Variants in MTA1 observed in about 807,000 individuals in gnomAD.
The protein encoded by MTA1 is metastasis associated 1.
MTA1 carries 15 observed loss-of-function variants against 97.0 expected under a neutral mutation model. That is an observed-to-expected ratio of 0.15 (90% CI 0.10 to 0.24). The LOEUF (loss-of-function observed/expected upper bound fraction) is 0.24. Among genes scored for constraint, MTA1 ranks in the 10% least tolerant of loss-of-function variants. MTA1 has a pLI of 1.00. For missense variants in MTA1, 709 were observed against 1,015.1 expected, an observed-to-expected ratio of 0.70 and a Z score of 4.10; for synonymous variants, 435 against 417.5, an observed-to-expected ratio of 1.04 and a Z score of -0.51.
chr14:105,447,822 C>A (rs150622743), intron 3 of MTA1, among the ~76,000 whole-genome samples: 3 of 152,302 alleles, frequency 2.0e-5, no homozygotes, highest in African/African-American at 7.2e-5. Context: ...AGGGCCCACA[C>A]CCCCCGGGGT....
chr14:105,429,017 C>T (rs994581143), intron 1 of MTA1, among the ~76,000 whole-genome samples: 2 of 152,200 alleles, frequency 1.3e-5, no homozygotes, highest in East Asian at 1.9e-4. Context: ...AGCCATTGTG[C>T]CCAGCCTCAC....
In MTA1 at chr14:105,420,065, TA is replaced by T; in HGVS notation, c.28+4del. The T allele has an allele frequency of 9.3e-7, 1 of 1,078,112 alleles. No individual in the cohort carries two copies. Among genetic ancestry groups the T allele is most frequent in the Non-Finnish European group, 1.1e-6 (1 of 882,830 alleles). 66.8% of individuals were successfully genotyped at this position (1,078,112 alleles called of 1,614,324 possible). On this transcript the variant is annotated splice_donor_region_variant and intron_variant, in intron 1 of 20. Coordinates refer to ENST00000331320, the MANE Select transcript of MTA1 (RefSeq NM_004689.4). The surrounding 1 kb of genome is among the most constrained non-coding windows in gnomAD (Gnocchi z 5.3). ...CCGCCAACATGTACAGGGTCGGAGG[TA>T]AGGCCGCACCGCCTTTATGCCCGGC...
Position 105,466,427 on chromosome 14 carries a change from G to T in MTA1, c.1626G>T (p.Glu542Asp). The T allele has an allele frequency of 6.3e-7, 1 of 1,592,106 alleles. No individual in the cohort carries two copies. Among genetic ancestry groups the T allele is most frequent in the African/African-American group, 1.3e-5 (1 of 74,386 alleles). ...KPLEAVLRYL[E>D]THPRPPKPDP... The stretch of plus-strand genomic sequence containing the variant: ...TTCTGCCTGTGTCATTCCCGGCAGA[G>T]ACCCACCCCCGCCCCCCCAAGCCTG... The change falls in exon 17 of 21, where the codon GAG becomes GAT. Residue 542 changes from glutamate to aspartate, a missense_variant and splice_region_variant. Around this residue, in one of 2 missense-constraint regions of MTA1, gnomAD observed 388 missense variants for 421.6 expected, o/e 0.92. Transcript: ENST00000331320.
rs376990599 is a variant in MTA1, at chr14:105,426,508, G to T, written c.28+6445G>T. Reference sequence around the variant, plus strand: ...AGGACAGCAAGGGCGCAGCGCACGTGGGGGCTGGCCCTGAGGTGTGGCGTT... The same window carrying T: ...AGGACAGCAAGGGCGCAGCGCACGTTGGGGCTGGCCCTGAGGTGTGGCGTT... On this transcript the variant is annotated intron_variant, in intron 1 of 20. Transcript: ENST00000331320. Among the ~76,000 whole-genome samples the T allele has an allele frequency of 2.5e-3, 381 of 152,326 alleles. 4 individuals are homozygous for T. Among genetic ancestry groups the T allele is most frequent in the African/African-American group, 8.8e-3 (366 of 41,582 alleles).
chr14:105,461,065 C>A, intron 10 of MTA1, 112 bp downstream of exon 10: 1 of 1,119,990 alleles, frequency 8.9e-7, no homozygotes, highest in Non-Finnish European at 1.3e-6. Flanking sequence ...TGTCCTGCAC[C>A]CTGATTCCCT....
intron 1 of MTA1, among the ~76,000 whole-genome samples, chr14:105,431,868 C>T (rs2082187164): frequency 3.9e-5 from 6 of 152,080 alleles, no homozygotes; most frequent in South Asian, 2.1e-4. Flanking sequence ...TCAGGTGATC[C>T]GCCCACCTCA....
Position 105,450,084 on chromosome 14 carries a change from C to T in MTA1, c.268C>T (p.Pro90Ser). The change falls in exon 5 of 21, where the codon CCG (proline) becomes TCG (serine). Residue 90 changes from proline (P) to serine (S), a missense_variant. Transcript: ENST00000331320. Reference sequence around the variant, plus strand: ...GGAAATAGAAGAGGAAATGGAGAACCCGGAAATGGTGGACCTGCCCGAGAA... The same window carrying T: ...GGAAATAGAAGAGGAAATGGAGAACTCGGAAATGGTGGACCTGCCCGAGAA... ...EGEIEEEMENPEMVDLPEKLK... is the reference protein window; with the variant it reads ...EGEIEEEMENSEMVDLPEKLK... 6.2e-7 allele frequency: 1 copy of T among 1,613,490 alleles called. No individual in the cohort carries two copies. The highest frequency in any genetic ancestry group is 1.7e-4 in the Middle Eastern group (1 of 6,058).
chr14:105,468,273 G>T (rs587620125), intron 18 of MTA1: 2 of 1,294,934 alleles, frequency 1.5e-6, no homozygotes, highest in African/African-American at 3.0e-5. Context: ...GCCTGCAGAT[G>T]GCTGCGTGTG....
chr14:105,469,351 C>G, intron 18 of MTA1, 116 bp from the exon 19 acceptor site: 1 of 1,190,990 alleles, frequency 8.4e-7, no homozygotes, highest in Non-Finnish European at 1.2e-6. Context: ...TGGGCTGTGG[C>G]TTGGTTGGCA....
intron 15 of MTA1, 113 bp from the exon 16 acceptor site, chr14:105,464,978 GTCC>G (rs34003962): frequency 0.2 from 290,101 of 1,420,042 alleles, 32,592 homozygotes; most frequent in Non-Finnish European, 0.23. Context: ...GGAGCCCCAC[GTCC>G]TCCTCGGTGC....
In MTA1 at chr14:105,424,831, C is replaced by T. The variant is rs2081962492; in HGVS notation, c.28+4768C>T. ...CTGAGTGGAGAATTTGATCGTTAAG[C>T]TCTCAGAATAATAAAAAAGTAGCTG... On this transcript the variant is annotated intron_variant, in intron 1 of 20. Coordinates refer to ENST00000331320, the MANE Select transcript of MTA1 (RefSeq NM_004689.4). The surrounding 1 kb of genome is among the most constrained non-coding windows in gnomAD (Gnocchi z 4.0). Among the ~76,000 whole-genome samples, 1 of 152,210 alleles carries T rather than the reference C, an allele frequency of 6.6e-6. No individual in the cohort carries two copies. The highest frequency in any genetic ancestry group is 6.5e-5 in the Admixed American group (1 of 15,284).
intron 1 of MTA1, among the ~76,000 whole-genome samples, chr14:105,434,281 G>C (rs79536059): frequency 2.0e-5 from 3 of 152,084 alleles, no homozygotes; most frequent in African/African-American, 7.2e-5. Context: ...CACCTTATCT[G>C]TTACCATTTA....
Position 105,462,395 on chromosome 14 carries a change from G to A in MTA1, c.943-789G>A, listed in dbSNP as rs147697913. Among the ~76,000 whole-genome samples, 412 of 151,552 alleles carry A rather than the reference G, an allele frequency of 2.7e-3. 3 individuals carry two copies. The highest frequency in any genetic ancestry group is 9.4e-3 in the African/African-American group (390 of 41,290). ...ACCATCCTGGCCAACATGGTGAAAC[G>A]CCATGTCTACTAAAAATACAAAAAT... On this transcript the variant is annotated intron_variant, in intron 10 of 20. Coordinates refer to ENST00000331320, the MANE Select transcript of MTA1 (RefSeq NM_004689.4).
chr14:105,454,604 GTTTTTC>G (rs1254028181), intron 7 of MTA1: 3 of 276,680 alleles, frequency 1.1e-5, no homozygotes, highest in African/African-American at 4.3e-5. Context: ...TCTGGCAGTT[GTTTTTC>G]TTTTTCTTTT....
At chr14:105,468,131 G>A (rs1396269830) in intron 18 of MTA1, 2 of 388,850 alleles carry the variant, frequency 5.1e-6, no homozygotes, top group Non-Finnish European at 1.0e-5. Context: ...CACACGAGGT[G>A]GGGTCTCTGT....
chr14:105,447,090 C>G (rs1269870807), intron 3 of MTA1, among the ~76,000 whole-genome samples: 2 of 152,196 alleles, frequency 1.3e-5, no homozygotes, highest in Non-Finnish European at 2.9e-5. Context: ...GTGCTGGGTG[C>G]CAGTCAGCAG....
Position 105,419,910 on chromosome 14 carries a change from G to A in MTA1, c.-126G>A. On this transcript the variant is annotated 5_prime_UTR_variant, in exon 1 of 21. Coordinates refer to ENST00000331320, the MANE Select transcript of MTA1 (RefSeq NM_004689.4). ...GGCGGCGGCGGCGGCGGCGGCGGCG[G>A]CAGCAGCGCGGCCCCTTTAAACGCC... 2 of 260,318 alleles carry A rather than the reference G, an allele frequency of 7.7e-6. No homozygotes were observed. The highest frequency in any genetic ancestry group is 1.2e-5 in the Non-Finnish European group (2 of 169,238). 16.1% of individuals were successfully genotyped at this position (260,318 alleles called of 1,614,324 possible).
In MTA1 at chr14:105,422,236, G is replaced by T. The variant is rs781804916; in HGVS notation, c.28+2173G>T. Among the ~76,000 whole-genome samples the T allele has an allele frequency of 6.6e-6, 1 of 152,132 alleles. No homozygotes were observed. Among genetic ancestry groups the T allele is most frequent in the Non-Finnish European group, 1.5e-5 (1 of 68,030 alleles). ...GGCATTTATCCCTGGCTTCTGGACCGGAACCCTGGGTTCCGGCAGGACCCC... is the reference window on the plus strand; with the variant it reads ...GGCATTTATCCCTGGCTTCTGGACCTGAACCCTGGGTTCCGGCAGGACCCC... On this transcript the variant is annotated intron_variant, in intron 1 of 20. Coordinates refer to ENST00000331320, the MANE Select transcript of MTA1 (RefSeq NM_004689.4). This position sits in a 1 kb window ranked among gnomAD's most constrained non-coding sequence, Gnocchi z 4.3.
At chr14:105,452,618 G>C (rs1046531305) in intron 6 of MTA1, among the ~76,000 whole-genome samples, 4 of 152,190 alleles carry the variant, frequency 2.6e-5, no homozygotes, top group African/African-American at 7.2e-5. Flanking sequence ...AGAGGCGGAG[G>C]CTTCACTGAA....
Sources: gnomAD v4.1 joint callset for allele counts (sites outside exome capture counted in the v4.1 genomes callset) on GRCh38, gnomAD v4.1.1 for gene constraint, gnomAD v4.1.1 regional missense constraint, Gnocchi (gnomAD v3.1) non-coding constraint, MANE v1.5 for transcripts, NCBI Gene and HGNC (gene_info 2026-07-23, HGNC 2026-07-21) for gene names.